Variants in PPARGC1A observed in about 807,000 individuals in gnomAD.
The protein encoded by PPARGC1A is PPARG coactivator 1 alpha, also known as peroxisome proliferator-activated receptor gamma coactivator 1-alpha.
A neutral mutation model predicts 88.7 loss-of-function variants in PPARGC1A; 25 were observed. The ratio of observed to expected loss-of-function variants is 0.28; its 90% CI spans 0.21 to 0.39. PPARGC1A has a LOEUF of 0.39. Among genes scored for constraint, PPARGC1A ranks in the 10% least tolerant of loss-of-function variants. The probability of loss-of-function intolerance (pLI) is 1.00; values close to 1 mark genes in which losing one functional copy is unlikely to be tolerated. For missense variants in PPARGC1A, 880 were observed against 968.7 expected, an observed-to-expected ratio of 0.91 and a Z score of 1.22; for synonymous variants, 363 against 355.6, an observed-to-expected ratio of 1.02 and a Z score of -0.24.
the PPARGC1A span, among the ~76,000 whole-genome samples, chr4:24,102,892 C>T: frequency 6.6e-6 from 1 of 152,190 alleles, no homozygotes; most frequent in Non-Finnish European, 1.5e-5. Context: ...GAAAACAACA[C>T]TGCGAATCAG....
chr4:24,153,079 ACAGG>A, the PPARGC1A span, among the ~76,000 whole-genome samples: 4 of 152,220 alleles, frequency 2.6e-5, no homozygotes, highest in Non-Finnish European at 5.9e-5. Context: ...TTGATTTCAG[ACAGG>A]CACTTTGAAT....
chr4:24,150,841 C>T, the PPARGC1A span, among the ~76,000 whole-genome samples: 2 of 152,120 alleles, frequency 1.3e-5, no homozygotes, highest in African/African-American at 4.8e-5. Context: ...GTGCATTATA[C>T]CATGGCTGAG....
chr4:24,168,000 C>T, the PPARGC1A span, among the ~76,000 whole-genome samples: 2 of 152,160 alleles, frequency 1.3e-5, no homozygotes, highest in Non-Finnish European at 2.9e-5. Context: ...AGCAGTCTGC[C>T]TGCCTTGGCC....
chr4:24,420,999 C>T, the PPARGC1A span, among the ~76,000 whole-genome samples: 1 of 152,192 alleles, frequency 6.6e-6, no homozygotes, highest in African/African-American at 2.4e-5. Context: ...CATAAGGTCA[C>T]TAATTCCATT....
At chr4:24,188,156 A>ATCCCAGCACTTTGG in the PPARGC1A span, among the ~76,000 whole-genome samples, 2 of 151,744 alleles carry the variant, frequency 1.3e-5, no homozygotes, top group African/African-American at 4.9e-5. Context: ...GAACTGAGGA[A>ATCCCAGCACTTTGG]GAGCAACACA....
the PPARGC1A span, among the ~76,000 whole-genome samples, chr4:24,093,855 GGTTTCCATGTGT>G: frequency 6.6e-6 from 1 of 152,122 alleles, no homozygotes; most frequent in East Asian, 1.9e-4. Flanking sequence ...TCTGAGACCT[GGTTTCCATGTGT>G]GTAAAGGGGA....
At chr4:24,344,165 T>G in the PPARGC1A span, among the ~76,000 whole-genome samples, 1 of 152,192 alleles carries the variant, frequency 6.6e-6, no homozygotes, top group Admixed American at 6.5e-5. Context: ...GGCATTTGGG[T>G]TCATTCTACA....
chr4:24,378,480 T>G, the PPARGC1A span, among the ~76,000 whole-genome samples: 1 of 151,018 alleles, frequency 6.6e-6, no homozygotes, highest in African/African-American at 2.5e-5. Flanking sequence ...ATAACCATGG[T>G]TAAAAAAAAA....
chr4:24,293,777 C>T, the PPARGC1A span, among the ~76,000 whole-genome samples: 4 of 151,544 alleles, frequency 2.6e-5, no homozygotes, highest in Non-Finnish European at 5.9e-5. Flanking sequence ...TTCAAATTCT[C>T]GTATTAAGTC....
At chr4:24,170,356 C>T in the PPARGC1A span, among the ~76,000 whole-genome samples, 2 of 152,324 alleles carry the variant, frequency 1.3e-5, no homozygotes, top group South Asian at 4.1e-4. Context: ...GCTAAGTGGA[C>T]ATTAATGTAC....
chr4:24,036,959 C>T, the PPARGC1A span, among the ~76,000 whole-genome samples: 15 of 152,158 alleles, frequency 9.9e-5, no homozygotes, highest in African/African-American at 3.4e-4. Flanking sequence ...CTCATATTTG[C>T]TAGTTATCTA....
the PPARGC1A span, among the ~76,000 whole-genome samples, chr4:24,285,791 C>T: frequency 1.3e-5 from 2 of 152,180 alleles, no homozygotes; most frequent in Admixed American, 1.3e-4. Context: ...ACAAACTTTT[C>T]TCCCTCATAT....
the PPARGC1A span, among the ~76,000 whole-genome samples, chr4:24,229,152 CTTT>C: frequency 9.9e-5 from 6 of 60,890 alleles, 1 homozygote; most frequent in Non-Finnish European, 1.3e-4. Flanking sequence ...GTATCTGGAC[CTTT>C]TTTTTTTTTT....
At chr4:24,167,885 C>G in the PPARGC1A span, among the ~76,000 whole-genome samples, 1 of 152,134 alleles carries the variant, frequency 6.6e-6, no homozygotes, top group Non-Finnish European at 1.5e-5. Flanking sequence ...TCCTGAGTAG[C>G]TGTGACCACA....
intron 7 of PPARGC1A, among the ~76,000 whole-genome samples, chr4:23,817,987 C>G (rs1722285277): frequency 6.6e-6 from 1 of 152,156 alleles, no homozygotes; most frequent in South Asian, 2.1e-4. Context: ...ATTTCTCTAG[C>G]CTCACCTCCG....
the PPARGC1A span, among the ~76,000 whole-genome samples, chr4:24,161,557 G>C: frequency 6.6e-6 from 1 of 152,150 alleles, no homozygotes; most frequent in Non-Finnish European, 1.5e-5. Flanking sequence ...TCTTGGGGTT[G>C]TCATGAGATA....
At chr4:23,928,997 G>A in the PPARGC1A span, among the ~76,000 whole-genome samples, 1 of 151,996 alleles carries the variant, frequency 6.6e-6, no homozygotes, top group South Asian at 2.1e-4. Context: ...GGGGGAGGGA[G>A]AGCATTAGGA....
intron 2 of PPARGC1A, among the ~76,000 whole-genome samples, chr4:23,878,104 A>G (rs16874271): frequency 0.071 from 10,734 of 152,228 alleles, 414 homozygotes; most frequent in African/African-American, 0.086. Context: ...TTTTGGCCCC[A>G]AAGATATCCA....
the PPARGC1A span, among the ~76,000 whole-genome samples, chr4:24,058,977 GAGAAA>G: frequency 1.3e-5 from 2 of 152,142 alleles, no homozygotes; most frequent in Non-Finnish European, 2.9e-5. Flanking sequence ...TAGCTAACCA[GAGAAA>G]AGAAGAAAAA....
Sources: allele counts gnomAD v4.1 joint callset (sites outside exome capture counted in the v4.1 genomes callset), GRCh38; gene constraint gnomAD v4.1.1; transcripts MANE v1.5; gene names NCBI Gene and HGNC (gene_info 2026-07-23, HGNC 2026-07-21).